SLC7A11: variants seen among roughly 807,000 people sequenced by gnomAD.
SLC7A11 encodes solute carrier family 7 member 11.
Under a neutral mutation model 54.5 loss-of-function variants are expected in SLC7A11, and 35 were observed. The observed-to-expected ratio is 0.64, with a 90% CI of 0.49 to 0.85. SLC7A11 has a LOEUF of 0.85. SLC7A11 is among the 40% of genes least tolerant of loss of function. SLC7A11 has a pLI of 0.00. For missense variants in SLC7A11, 583 were observed against 618.1 expected (o/e 0.94, Z 0.60); for synonymous variants, 230 against 225.2 (o/e 1.02, Z -0.19).
rs1736326231 is a variant in SLC7A11, at chr4:138,168,507, T to C, written c.*3449A>G. Reference sequence around the variant, plus strand: ...TCAAGATAAAATAATGATTTTCCTGTAGACTGATTACAGTTCATGAGGAAT... The same window carrying C: ...TCAAGATAAAATAATGATTTTCCTGCAGACTGATTACAGTTCATGAGGAAT... On this transcript the variant is annotated 3_prime_UTR_variant, in exon 12 of 12. Transcript: ENST00000280612. The C allele has an allele frequency of 1.3e-5, 2 of 152,196 alleles. No individual in the cohort carries two copies. Among genetic ancestry groups the C allele is most frequent in the African/African-American group, 4.8e-5 (2 of 41,464 alleles). 9.4% of individuals were successfully genotyped at this position (152,196 alleles called of 1,614,324 possible). A position where few individuals can be genotyped will look rare whatever the true frequency, so the allele number is the denominator to read the frequency against.
rs1285231800 is a variant in SLC7A11, at chr4:138,170,233, A to AGTGTGT, written c.*1717_*1722dup. 89 of 98,610 alleles carry AGTGTGT rather than the reference A, an allele frequency of 9.0e-4. No individual in the cohort carries two copies. Among genetic ancestry groups the AGTGTGT allele is most frequent in the African/African-American group, 3.0e-3 (79 of 26,516 alleles). 6.1% of individuals were successfully genotyped at this position (98,610 alleles called of 1,614,324 possible). ...TATATATATATATATATATATAAAA[A>AGTGTGT]GTGTGTGTGTGTGTGTGTATATATA... is the stretch of plus-strand genomic sequence containing the variant. On this transcript the variant is annotated 3_prime_UTR_variant, in exon 12 of 12. Coordinates refer to ENST00000280612, the MANE Select transcript of SLC7A11 (RefSeq NM_014331.4).
rs901032912 is a variant in SLC7A11, at chr4:138,184,975, C to T, written c.915+146G>A. On this transcript the variant is annotated intron_variant, in intron 7 of 11. Transcript: ENST00000280612. ...GTTAAATGGAATATGCTAAGGTATGCTCTAAATTTTTTAAATATTCACTAT... is the reference window on the plus strand; with the variant it reads ...GTTAAATGGAATATGCTAAGGTATGTTCTAAATTTTTTAAATATTCACTAT... 15 of 781,936 alleles carry T rather than the reference C, an allele frequency of 1.9e-5. No homozygotes were observed. The African/African-American group carries it at 2.5e-4, about 13-fold the overall frequency. 48.4% of individuals were successfully genotyped at this position (781,936 alleles called of 1,614,324 possible).
chr4:138,186,500 C>T (rs370505617), intron 6 of SLC7A11, among the ~76,000 whole-genome samples: 8 of 152,122 alleles, frequency 5.3e-5, no homozygotes, highest in African/African-American at 1.9e-4. Context: ...TGCTTGGAGC[C>T]TGACACTTCC....
intron 3 of SLC7A11, among the ~76,000 whole-genome samples, chr4:138,225,138 CTATATATA>C (rs36216785): frequency 0.032 from 3,796 of 118,282 alleles, 103 homozygotes; most frequent in East Asian, 0.051. Flanking sequence ...AATAATTTCA[CTATATATA>C]TATATATATA....
intron 4 of SLC7A11, among the ~76,000 whole-genome samples, chr4:138,219,937 C>T (rs1230107119): frequency 5.2e-5 from 2 of 38,158 alleles, no homozygotes; most frequent in East Asian, 1.2e-3. Flanking sequence ...AACTGCAAGC[C>T]TTTCTTTTTT....
chr4:138,205,523 T>C (rs1470105274), intron 6 of SLC7A11, among the ~76,000 whole-genome samples: 3 of 152,094 alleles, frequency 2.0e-5, no homozygotes, highest in African/African-American at 7.2e-5. Context: ...CTTAGTGAAC[T>C]ACATGTGACA....
At chr4:138,207,009 A>AAAC (rs1475272387) in intron 6 of SLC7A11, among the ~76,000 whole-genome samples, 4 of 151,230 alleles carry the variant, frequency 2.6e-5, no homozygotes, top group Non-Finnish European at 5.9e-5. Context: ...AAAAAAAAAA[A>AAAC]AAACCCCCAG....
intron 6 of SLC7A11, among the ~76,000 whole-genome samples, chr4:138,213,796 GA>G (rs1737614915): frequency 1.3e-5 from 2 of 152,070 alleles, no homozygotes; most frequent in African/African-American, 4.8e-5. Context: ...TATGCATCAT[GA>G]AAGCTGTTCC....
At chr4:138,232,175 C>G (rs1738094242) in intron 3 of SLC7A11, 92 bp downstream of exon 3, 1 of 859,818 alleles carries the variant, frequency 1.2e-6, no homozygotes, top group African/African-American at 1.7e-5. Context: ...ATGTGAGAGG[C>G]AATCCCGCAA....
At chr4:138,173,544 G>C (rs565929913) in intron 11 of SLC7A11, among the ~76,000 whole-genome samples, 84 of 151,548 alleles carry the variant, frequency 5.5e-4, no homozygotes, top group African/African-American at 1.9e-3. Context: ...TGAGGCAGGA[G>C]AATCACTTGA....
intron 6 of SLC7A11, among the ~76,000 whole-genome samples, 158 bp from the exon 7 acceptor site, chr4:138,185,402 C>A (rs766560221): frequency 2.4e-4 from 37 of 152,208 alleles, no homozygotes; most frequent in Non-Finnish European, 1.9e-4. Context: ...GGGCAAAAAA[C>A]CACATATTCC....
At chr4:138,177,592 CAAAAAT>C (rs1736610016) in intron 11 of SLC7A11, 1 of 151,966 alleles carries the variant, frequency 6.6e-6, no homozygotes, top group Admixed American at 6.6e-5. Context: ...TACATACACT[CAAAAAT>C]AAATTCTCCA....
chr4:138,211,186 C>T (rs1008351133), intron 6 of SLC7A11, among the ~76,000 whole-genome samples: 1 of 151,752 alleles, frequency 6.6e-6, no homozygotes, highest in Admixed American at 6.6e-5. Flanking sequence ...GGGAGGTAAA[C>T]ATTGGGTACT....
intron 6 of SLC7A11, among the ~76,000 whole-genome samples, chr4:138,211,600 A>G (rs150319240): frequency 4.3e-4 from 65 of 152,086 alleles, no homozygotes; most frequent in African/African-American, 1.5e-3. Flanking sequence ...TTATTGCAGC[A>G]CTATTCAAAA....
At chr4:138,180,362 A>G (rs527815947) in intron 10 of SLC7A11, among the ~76,000 whole-genome samples, 106 of 152,278 alleles carry the variant, frequency 7.0e-4, no homozygotes, top group Admixed American at 1.2e-3. Context: ...GTCATTGAAC[A>G]CATTCATGAA....
chr4:138,227,875 G>C (rs535153783), intron 3 of SLC7A11, among the ~76,000 whole-genome samples: 66 of 152,246 alleles, frequency 4.3e-4, no homozygotes, highest in African/African-American at 1.5e-3. Flanking sequence ...TGCAGTACTT[G>C]TATATTTTAA....
intron 2 of SLC7A11, among the ~76,000 whole-genome samples, chr4:138,235,132 T>C (rs72939777): frequency 0.031 from 4,789 of 152,138 alleles, 241 homozygotes; most frequent in African/African-American, 0.11. Flanking sequence ...GAAGCAGAGA[T>C]AGAATTTTCA....
rs1479360796 is a variant in SLC7A11 at position 138,182,434 on chromosome 4, G to A, written c.1020-41C>T. The A allele has an allele frequency of 3.2e-6, 4 of 1,251,562 alleles. No individual in the cohort carries two copies. In the Admixed American group the frequency reaches 6.9e-5, roughly 22 times the overall value. The allele number at this position is 1,251,562 out of a possible 1,614,324, so 77.5% of individuals were successfully genotyped here. A position where few individuals can be genotyped will look rare whatever the true frequency, so the allele number is the denominator to read the frequency against. On this transcript the variant is annotated intron_variant, in intron 8 of 11. Transcript: ENST00000280612. ...TGTGGGTGGAGTTGACTGTATGATT[G>A]ATCATTTCAAAGGGAAAATCCAAAA...
At chr4:138,203,850 T>G (rs1345987727) in intron 6 of SLC7A11, among the ~76,000 whole-genome samples, 3 of 152,024 alleles carry the variant, frequency 2.0e-5, no homozygotes, top group African/African-American at 7.2e-5. Context: ...ATCCCACCAT[T>G]GGCTACTGGA....
Sources: allele counts gnomAD v4.1 joint callset (sites outside exome capture counted in the v4.1 genomes callset), GRCh38; gene constraint gnomAD v4.1.1; transcripts MANE v1.5; gene names NCBI Gene and HGNC (gene_info 2026-07-23, HGNC 2026-07-21).